Variants in RGS7 observed in about 807,000 individuals in gnomAD.
The protein encoded by RGS7 is regulator of G-protein signaling 7.
A neutral mutation model predicts 81.1 loss-of-function variants in RGS7; 27 were observed. The observed-to-expected ratio is 0.33, with a 90% CI of 0.25 to 0.46. The LOEUF is 0.46. Among genes scored for constraint, RGS7 ranks in the 20% least tolerant of loss-of-function variants. The probability of loss-of-function intolerance (pLI) is 1.00; values close to 1 mark genes in which losing one functional copy is unlikely to be tolerated. For missense variants in RGS7, 396 were observed against 607.4 expected (o/e 0.65, Z 3.66); for synonymous variants, 208 against 207.7 (o/e 1.00, Z -0.01).
chr1:241,080,462 C>T (rs921490605), intron 3 of RGS7, among the ~76,000 whole-genome samples: 3 of 152,034 alleles, frequency 2.0e-5, no homozygotes, highest in Non-Finnish European at 4.4e-5. Flanking sequence ...ATTTTTTGGC[C>T]TTGCAATAGA....
chr1:240,919,058 G>C (rs1039052074), intron 6 of RGS7, among the ~76,000 whole-genome samples: 12 of 151,904 alleles, frequency 7.9e-5, no homozygotes. Flanking sequence ...ATCTAAATAG[G>C]CTTATACTTA....
intron 2 of RGS7, among the ~76,000 whole-genome samples, chr1:241,346,453 T>C (rs1425982309): frequency 6.6e-6 from 1 of 152,196 alleles, no homozygotes; most frequent in Non-Finnish European, 1.5e-5. Context: ...CATTCACTCA[T>C]TTATCTAGAG....
chr1:241,141,842 A>G (rs2067942091), intron 2 of RGS7, among the ~76,000 whole-genome samples: 1 of 152,238 alleles, frequency 6.6e-6, no homozygotes, highest in South Asian at 2.1e-4. Context: ...ATTAACTCAG[A>G]AGTCCACAGT....
At chr1:241,221,399 T>G (rs1054920414) in intron 2 of RGS7, among the ~76,000 whole-genome samples, 2 of 152,204 alleles carry the variant, frequency 1.3e-5, no homozygotes, top group Admixed American at 1.3e-4. Context: ...TTCCTGAGCA[T>G]GTGCCTGAAC....
chr1:241,151,565 C>CTTTTTTTTTTTTT (rs58097674), intron 2 of RGS7, among the ~76,000 whole-genome samples: 5 of 116,490 alleles, frequency 4.3e-5, no homozygotes, highest in African/African-American at 1.7e-4. Context: ...ATTAGGAACT[C>CTTTTTTTTTTTTT]TTTTTTTTTT....
At chr1:241,288,492 C>T (rs566072598) in intron 2 of RGS7, among the ~76,000 whole-genome samples, 1 of 152,224 alleles carries the variant, frequency 6.6e-6, no homozygotes, top group Non-Finnish European at 1.5e-5. Flanking sequence ...GCAAGTCCTC[C>T]AAGTTCCACC....
At chr1:241,239,781 G>A (rs898836065) in intron 2 of RGS7, among the ~76,000 whole-genome samples, 25 of 152,276 alleles carry the variant, frequency 1.6e-4, no homozygotes, top group African/African-American at 5.8e-4. Flanking sequence ...AGAAATTCTG[G>A]AGAATGGACC....
rs71571832 is a variant in RGS7, at chr1:241,259,650, C to CAAAAAAAAAAAAAAAA, written c.78+96033_78+96048dup. On this transcript the variant is annotated intron_variant, in intron 2 of 18. Transcript: ENST00000440928. ...GGACAACAAGAGCGAAACTCCGTCT[C>CAAAAAAAAAAAAAAAA]AAAAAAAAAAAAAAAAAATATATAT... is the stretch of plus-strand genomic sequence containing the variant. Among the ~76,000 whole-genome samples, 12 of 39,906 alleles carry CAAAAAAAAAAAAAAAA rather than the reference C, an allele frequency of 3.0e-4. 1 individual carries two copies. Among genetic ancestry groups the CAAAAAAAAAAAAAAAA allele is most frequent in the South Asian group, 1.1e-3 (1 of 904 alleles). 26.2% of individuals were successfully genotyped at this position (39,906 alleles called of 152,430 possible).
chr1:240,854,743 A>G (rs1448272444), intron 9 of RGS7, among the ~76,000 whole-genome samples: 2 of 152,246 alleles, frequency 1.3e-5, no homozygotes, highest in African/African-American at 4.8e-5. Context: ...GAGTAACAGC[A>G]TCTAACTTCT....
chr1:241,206,230 C>CTT (rs35296035), intron 2 of RGS7, among the ~76,000 whole-genome samples: 26,112 of 135,884 alleles, frequency 0.19, 3,169 homozygotes, highest in African/African-American at 0.32. Context: ...AAAGAATGAA[C>CTT]TTTTTTTTTT....
intron 3 of RGS7, among the ~76,000 whole-genome samples, chr1:241,079,637 A>G (rs576591723): frequency 2.0e-5 from 3 of 152,286 alleles, no homozygotes; most frequent in African/African-American, 4.8e-5. Flanking sequence ...AGAAAGAGGC[A>G]TGAGGAGAAA....
rs1035281577 is a variant in RGS7, at chr1:241,124,397, G to GA, written c.79-25636dup. On this transcript the variant is annotated intron_variant, in intron 2 of 18. Coordinates refer to ENST00000440928, the MANE Select transcript of RGS7 (RefSeq NM_001364886.1). ...TGACAGAGAGAGACCCTGTCTCTTT[G>GA]AAAAAAATAAAAAAGAAAGAAAACA... 8.6e-5 allele frequency among the ~76,000 whole-genome samples: 13 copies of GA among 151,926 alleles called. No homozygotes were observed. The East Asian group carries it at 2.1e-3, about 25-fold the overall frequency.
chr1:241,192,320 T>C (rs1406528670), intron 2 of RGS7, among the ~76,000 whole-genome samples: 1 of 151,840 alleles, frequency 6.6e-6, no homozygotes. Context: ...GGCTTGGTTT[T>C]ATTTTCTGTC....
At chr1:241,325,661 G>A (rs2081448123) in intron 2 of RGS7, among the ~76,000 whole-genome samples, 1 of 152,116 alleles carries the variant, frequency 6.6e-6, no homozygotes, top group Admixed American at 6.5e-5. Flanking sequence ...AGACCATTTG[G>A]CAGACTCCAT....
chr1:241,065,385 C>T (rs191502318), intron 3 of RGS7, among the ~76,000 whole-genome samples: 56 of 151,884 alleles, frequency 3.7e-4, no homozygotes, highest in African/African-American at 1.3e-3. Context: ...AATTTACCCC[C>T]ACCCCTTCCA....
chr1:241,069,093 G>A (rs747159653), intron 3 of RGS7, among the ~76,000 whole-genome samples: 2 of 152,140 alleles, frequency 1.3e-5, no homozygotes, highest in African/African-American at 2.4e-5. Context: ...CTGCAGAACC[G>A]TGAGCCAATT....
chr1:241,123,878 C>A (rs1457767584), intron 2 of RGS7, among the ~76,000 whole-genome samples: 1 of 152,234 alleles, frequency 6.6e-6, no homozygotes, highest in Non-Finnish European at 1.5e-5. Flanking sequence ...GTATCCCCGC[C>A]ATGCTGTCCA....
chr1:240,983,153 A>T (rs1402303802), intron 3 of RGS7, 24 bp from the exon 4 acceptor site: 2 of 1,344,756 alleles, frequency 1.5e-6, no homozygotes, highest in Non-Finnish European at 2.1e-6. Context: ...AAAGAAAAAC[A>T]CAAACAGATG....
intron 4 of RGS7, among the ~76,000 whole-genome samples, chr1:240,940,465 A>G (rs1196751860): frequency 1.3e-5 from 2 of 152,192 alleles, no homozygotes; most frequent in East Asian, 1.9e-4. Context: ...GTGGGGCAAC[A>G]TGTAACATCC....
Sources: allele counts gnomAD v4.1 joint callset (sites outside exome capture counted in the v4.1 genomes callset), GRCh38; gene constraint gnomAD v4.1.1; transcripts MANE v1.5; gene names NCBI Gene and HGNC (gene_info 2026-07-23, HGNC 2026-07-21).